The following PPP1R37 variants were observed in gnomAD, a reference collection of about 807,000 sequenced individuals.
PPP1R37 encodes the protein leucine rich repeat containing 68.
In PPP1R37, 21 loss-of-function variants were observed where a neutral mutation model predicts 61.0. That is an observed-to-expected ratio of 0.34 (90% CI 0.24 to 0.50). PPP1R37 has a LOEUF of 0.50. Ranked by LOEUF, PPP1R37 falls within the 20% of genes least tolerant of loss-of-function variation. The pLI, the probability that PPP1R37 is intolerant of heterozygous loss-of-function variation, is 0.98. For synonymous variants in PPP1R37, 443 were observed against 433.5 expected (o/e 1.02, Z -0.27); for missense variants, 910 against 952.7 (o/e 0.96, Z 0.59).
chr19:45,107,230 T>C (rs1968143722), intron 1 of PPP1R37, among the ~76,000 whole-genome samples: 1 of 151,918 alleles, frequency 6.6e-6, no homozygotes, highest in Admixed American at 6.6e-5. Context: ...CAGTGATTCA[T>C]GCCTATAATC....
chr19:45,135,676 G>A (rs1968530110), intron 1 of PPP1R37, among the ~76,000 whole-genome samples: 1 of 151,962 alleles, frequency 6.6e-6, no homozygotes, highest in South Asian at 2.1e-4. Context: ...CGATGCGTTC[G>A]CTCCTGGATG....
At chr19:45,143,696 C>G in intron 8 of PPP1R37, 63 bp downstream of exon 8, 1 of 971,802 alleles carries the variant, frequency 1.0e-6, no homozygotes, top group Non-Finnish European at 1.6e-6. Flanking sequence ...CACTCCAGCT[C>G]TCAGCACAGT....
intron 1 of PPP1R37, among the ~76,000 whole-genome samples, chr19:45,116,003 TGGG>T (rs1049366045): frequency 6.0e-5 from 9 of 149,866 alleles, no homozygotes; most frequent in African/African-American, 2.0e-4. Context: ...GTGTGTCACA[TGGG>T]GGGACTCGGG....
At chr19:45,132,926 C>G (rs936631931) in intron 1 of PPP1R37, among the ~76,000 whole-genome samples, 6 of 152,198 alleles carry the variant, frequency 3.9e-5, no homozygotes, top group Admixed American at 3.3e-4. Context: ...ACCCTACTAA[C>G]TCACTCACTC....
intron 8 of PPP1R37, 148 bp downstream of exon 8, chr19:45,143,781 C>G (rs1470942164): frequency 1.9e-6 from 1 of 539,908 alleles, no homozygotes; most frequent in African/African-American, 2.0e-5. Flanking sequence ...CACCTGCTTC[C>G]TCATTCAGCT....
At chr19:45,098,447 T>C (rs1968021333) in intron 1 of PPP1R37, among the ~76,000 whole-genome samples, 1 of 152,176 alleles carries the variant, frequency 6.6e-6, no homozygotes, top group African/African-American at 2.4e-5. Context: ...TCCGGGAGAC[T>C]CATCTCCCCT....
chr19:45,135,779 CTTTTT>C (rs546534256), intron 1 of PPP1R37, among the ~76,000 whole-genome samples: 2 of 128,840 alleles, frequency 1.6e-5, no homozygotes, highest in African/African-American at 3.0e-5. Context: ...TTTGCATTTC[CTTTTT>C]TTTTTTTTTT....
At chr19:45,112,021 T>A (rs1599694651) in intron 1 of PPP1R37, among the ~76,000 whole-genome samples, 1 of 151,690 alleles carries the variant, frequency 6.6e-6, no homozygotes, top group African/African-American at 2.4e-5. Flanking sequence ...CAGGCTGGAG[T>A]GCAGTGGCAT....
rs1158361359 is a variant in PPP1R37 at position 45,145,830 on chromosome 19, C to T, written c.1774C>T (p.Pro592Ser). 2.2e-5 allele frequency: 19 copies of T among 849,406 alleles called. No individual in the cohort carries two copies. In the South Asian group the frequency reaches 2.6e-4, roughly 12 times the overall value. 52.6% of individuals were successfully genotyped at this position (849,406 alleles called of 1,614,324 possible). ...CCCTGCGTCCCCCACCCCTCCCTCT[C>T]CCCCACCCCCTCCCTCCCCACCCGC... ...EPPASPTPPS[P>S]PPPPSPPASP... Residue 592 changes from proline (P) to serine (S), a missense_variant, in exon 11 of 13, where the codon CCC (proline) becomes TCC (serine). Coordinates refer to ENST00000221462, the MANE Select transcript of PPP1R37 (RefSeq NM_019121.2).
chr19:45,143,468 C>T, intron 7 of PPP1R37, 53 bp from the exon 8 acceptor site: 2 of 1,136,842 alleles, frequency 1.8e-6, no homozygotes, highest in South Asian at 2.7e-5. Context: ...GCAGTCCCCT[C>T]CCCAGGAAGC....
intron 2 of PPP1R37, among the ~76,000 whole-genome samples, chr19:45,138,902 A>ATTTTTTTTTTTT (rs1968572009): frequency 2.2e-5 from 2 of 90,718 alleles, no homozygotes; most frequent in African/African-American, 9.6e-5. Flanking sequence ...AAATTTATGT[A>ATTTTTTTTTTTT]TTCTTTTTTT....
intron 1 of PPP1R37, chr19:45,100,005 G>A (rs759031152): frequency 6.6e-6 from 1 of 152,238 alleles, no homozygotes; most frequent in East Asian, 1.9e-4. Flanking sequence ...GCGAGTACTG[G>A]GGCTCTGCGA....
At chr19:45,127,865 C>T (rs1968426490) in intron 1 of PPP1R37, among the ~76,000 whole-genome samples, 1 of 150,786 alleles carries the variant, frequency 6.6e-6, no homozygotes, top group Non-Finnish European at 1.5e-5. Flanking sequence ...GTTCCATCTA[C>T]TAGGGAGGCT....
At chr19:45,144,598 T>G (rs1386312816) in intron 8 of PPP1R37, 6 of 485,716 alleles carry the variant, frequency 1.2e-5, no homozygotes, top group South Asian at 6.3e-5. Context: ...GCCCAGGCTG[T>G]GGGGGGTAGG....
intron 1 of PPP1R37, among the ~76,000 whole-genome samples, chr19:45,133,414 ACT>A (rs1379435756): frequency 1.3e-5 from 2 of 151,904 alleles, no homozygotes; most frequent in Admixed American, 1.3e-4. Context: ...ATATTGCAAG[ACT>A]CTATATCTCA....
intron 12 of PPP1R37, 36 bp from the exon 13 acceptor site, chr19:45,146,535 C>T (rs1157067011): frequency 1.6e-6 from 2 of 1,243,078 alleles, no homozygotes; most frequent in East Asian, 2.5e-5. Context: ...GAGCCTCTGG[C>T]TCTGACAGTC....
chr19:45,133,768 C>CA (rs1336722015), intron 1 of PPP1R37, among the ~76,000 whole-genome samples: 1 of 152,236 alleles, frequency 6.6e-6, no homozygotes, highest in African/African-American at 2.4e-5. Context: ...TTAAAGGAGA[C>CA]ACTGGGCATC....
At chr19:45,135,555 T>C (rs60530130) in intron 1 of PPP1R37, among the ~76,000 whole-genome samples, 1,736 of 152,310 alleles carry the variant, frequency 0.011, 33 homozygotes, top group African/African-American at 0.04. Context: ...TGTGGAGAGT[T>C]GAGAGTGGCT....
Position 45,146,789 on chromosome 19 carries a change from C to T in PPP1R37, c.*227C>T. ...TATTTATGAGCCCAGCACTGGAAGA[C>T]TCTGGGGGTGAATGGGAGGAGGGGG... On this transcript the variant is annotated 3_prime_UTR_variant, in exon 13 of 13. Transcript: ENST00000221462. 3.8e-6 allele frequency: 1 copy of T among 265,360 alleles called. No individual in the cohort carries two copies. The highest frequency in any genetic ancestry group is 7.4e-6 in the Non-Finnish European group (1 of 134,866). The allele number at this position is 265,360 out of a possible 1,614,324, so 16.4% of individuals were successfully genotyped here.
Sources: allele counts gnomAD v4.1 joint callset (sites outside exome capture counted in the v4.1 genomes callset), GRCh38; gene constraint gnomAD v4.1.1; transcripts MANE v1.5; gene names NCBI Gene and HGNC (gene_info 2026-07-23, HGNC 2026-07-21).